The following CARS1 variants were observed in gnomAD, a reference collection of about 807,000 sequenced individuals.
CARS1 encodes cysteine--tRNA ligase, cytoplasmic.
A neutral mutation model predicts 106.2 loss-of-function variants in CARS1; 48 were observed. The ratio of observed to expected loss-of-function variants is 0.45; its 90% CI spans 0.36 to 0.57. The LOEUF (loss-of-function observed/expected upper bound fraction) is 0.57, where lower values mean the gene tolerates loss of function less well. Ranked by LOEUF, CARS1 falls within the 20% of genes least tolerant of loss-of-function variation. CARS1 has a pLI of 0.00. For synonymous variants in CARS1, 409 were observed against 403.4 expected (o/e 1.01, Z -0.17); for missense variants, 968 against 1,057.2 (o/e 0.92, Z 1.17).
In CARS1 at chr11:3,040,662, G is replaced by A; in HGVS notation, c.455+234C>T. On this transcript the variant is annotated intron_variant, in intron 4 of 22. Coordinates refer to ENST00000380525, the MANE Select transcript of CARS1 (RefSeq NM_001014437.3). The surrounding 1 kb of genome is among the most constrained non-coding windows in gnomAD (Gnocchi z 5.8). ...CCAGCATGTTAGCAGTGGGGCTATGGACATTTTCTTTTTGGTGATCTGTAG... is the reference window on the plus strand; with the variant it reads ...CCAGCATGTTAGCAGTGGGGCTATGAACATTTTCTTTTTGGTGATCTGTAG... 1 of 685,240 alleles carries A rather than the reference G, an allele frequency of 1.5e-6. No homozygotes were observed. Among genetic ancestry groups the A allele is most frequent in the Non-Finnish European group, 2.7e-6 (1 of 376,420 alleles). 42.4% of individuals were successfully genotyped at this position (685,240 alleles called of 1,614,324 possible). A position where few individuals can be genotyped will look rare whatever the true frequency, so the allele number is the denominator to read the frequency against.
Position 3,017,526 on chromosome 11 carries a change from C to G in CARS1, c.1728-231G>C. On this transcript the variant is annotated intron_variant, in intron 15 of 22. Coordinates refer to ENST00000380525, the MANE Select transcript of CARS1 (RefSeq NM_001014437.3). This position sits in a 1 kb window ranked among gnomAD's most constrained non-coding sequence, Gnocchi z 4.9. ...GGTATGGTGGCGCATGCCTGTAACC[C>G]CAGCTACTCGGGAGGCTGAGGCAGG... The G allele has an allele frequency of 1.8e-6, 1 of 566,040 alleles. No homozygotes were observed. The highest frequency in any genetic ancestry group is 2.3e-5 in the South Asian group (1 of 42,614). The allele number at this position is 566,040 out of a possible 1,614,324, so 35.1% of individuals were successfully genotyped here. A position where few individuals can be genotyped will look rare whatever the true frequency, so the allele number is the denominator to read the frequency against.
chr11:3,044,415 C>T lies in CARS1; in HGVS notation c.275-2159G>A, dbSNP rs1230590736. On this transcript the variant is annotated intron_variant, in intron 2 of 22. Transcript: ENST00000380525. This position sits in a 1 kb window ranked among gnomAD's most constrained non-coding sequence, Gnocchi z 4.4. ...AGATATCACATAAGGACCCTTGCCC[C>T]CCTTTTTTTTTTTTAGATAAAATCT... Among the ~76,000 whole-genome samples, 1 of 150,712 alleles carries T rather than the reference C, an allele frequency of 6.6e-6. No homozygotes were observed. The highest frequency in any genetic ancestry group is 6.6e-5 in the Admixed American group (1 of 15,234).
In CARS1 at chr11:3,028,145, C is replaced by A. The variant is rs1027670711; in HGVS notation, c.1031+851G>T. 2.0e-5 allele frequency: 6 copies of A among 305,642 alleles called. No homozygotes were observed. Among genetic ancestry groups the A allele is most frequent in the South Asian group, 1.7e-4 (6 of 34,430 alleles). The allele number at this position is 305,642 out of a possible 1,614,324, so 18.9% of individuals were successfully genotyped here. On this transcript the variant is annotated intron_variant, in intron 9 of 22. Coordinates refer to ENST00000380525, the MANE Select transcript of CARS1 (RefSeq NM_001014437.3). This position sits in a 1 kb window ranked among gnomAD's most constrained non-coding sequence, Gnocchi z 4.4. ...CGTAAGCTGCCTCTCTCTGTCTCCT[C>A]TCTCTCTCTGCCTTGGCTGCCAGGC...
intron 7 of CARS1, among the ~76,000 whole-genome samples, chr11:3,035,545 G>C (rs1240722356): frequency 5.9e-5 from 9 of 152,250 alleles, no homozygotes; most frequent in African/African-American, 1.4e-4. Flanking sequence ...GAGTGCAGTG[G>C]TGTGTTCATG....
In CARS1 at chr11:3,044,499, C is replaced by G. The variant is rs761584050; in HGVS notation, c.275-2243G>C. The stretch of plus-strand genomic sequence containing the variant: ...GCAACCTCCGCCTCCTGAGTTCAAG[C>G]GATTATCCTGCCTCAGCCTCCCAAG... On this transcript the variant is annotated intron_variant, in intron 2 of 22. Coordinates refer to ENST00000380525, the MANE Select transcript of CARS1 (RefSeq NM_001014437.3). The surrounding 1 kb of genome is among the most constrained non-coding windows in gnomAD (Gnocchi z 4.4). Among the ~76,000 whole-genome samples the G allele has an allele frequency of 1.3e-5, 2 of 151,820 alleles. No individual in the cohort carries two copies. Among genetic ancestry groups the G allele is most frequent in the Non-Finnish European group, 2.9e-5 (2 of 67,970 alleles).
Position 3,017,656 on chromosome 11 carries a change from C to CA in CARS1, c.1727+200dup. The CA allele has an allele frequency of 1.7e-6, 1 of 572,588 alleles. No homozygotes were observed. The highest frequency in any genetic ancestry group is 3.3e-5 in the Admixed American group (1 of 30,002). 35.5% of individuals were successfully genotyped at this position (572,588 alleles called of 1,614,324 possible). On this transcript the variant is annotated intron_variant, in intron 15 of 22. Transcript: ENST00000380525. This position sits in a 1 kb window ranked among gnomAD's most constrained non-coding sequence, Gnocchi z 4.9. The stretch of plus-strand genomic sequence containing the variant: ...GAAACTCCGTCTCAAAAAGAAAAAA[C>CA]AAAAAAGAAATTCTCCATGCACTTC...
chr11:3,021,261 T>TC lies in CARS1; in HGVS notation c.1154-930dup, dbSNP rs1348530743. Among the ~76,000 whole-genome samples the TC allele has an allele frequency of 6.6e-6, 1 of 152,222 alleles. No individual in the cohort carries two copies. The highest frequency in any genetic ancestry group is 2.4e-5 in the African/African-American group (1 of 41,452). ...GGTCACGCAGAGAATCACCCTTTGT[T>TC]CGATGAATGGGCAGAGCAGAGGTCT... On this transcript the variant is annotated intron_variant, in intron 10 of 22. Coordinates refer to ENST00000380525, the MANE Select transcript of CARS1 (RefSeq NM_001014437.3). The surrounding 1 kb of genome is among the most constrained non-coding windows in gnomAD (Gnocchi z 5.3).
intron 1 of CARS1, among the ~76,000 whole-genome samples, chr11:3,056,802 G>A (rs1233799554): frequency 6.6e-6 from 1 of 152,136 alleles, no homozygotes; most frequent in Non-Finnish European, 1.5e-5. Context: ...GGCCCGCCCA[G>A]GCACCGGCTG....
chr11:3,044,293 G>A lies in CARS1; in HGVS notation c.275-2037C>T, dbSNP rs1854847173. Reference sequence around the variant, plus strand: ...ACAGCCAGCATTCCTGCTCCCCTAAGGCTGCTATCTCCACACAGCTGGCGA... The same window carrying A: ...ACAGCCAGCATTCCTGCTCCCCTAAAGCTGCTATCTCCACACAGCTGGCGA... On this transcript the variant is annotated intron_variant, in intron 2 of 22. Coordinates refer to ENST00000380525, the MANE Select transcript of CARS1 (RefSeq NM_001014437.3). The surrounding 1 kb of genome is among the most constrained non-coding windows in gnomAD (Gnocchi z 4.4). 6.6e-6 allele frequency among the ~76,000 whole-genome samples: 1 copy of A among 152,186 alleles called. No homozygotes were observed. The highest frequency in any genetic ancestry group is 2.4e-5 in the African/African-American group (1 of 41,440).
At chr11:3,010,090 C>G (rs139598396) in intron 18 of CARS1, among the ~76,000 whole-genome samples, 1 of 152,334 alleles carries the variant, frequency 6.6e-6, no homozygotes, top group East Asian at 1.9e-4. Flanking sequence ...AGCCACAAAA[C>G]AAAAGTGAAA....
At position 3,034,817 on chromosome 11, in the gene CARS1, A is replaced by G. The variant is rs1853393458; in HGVS notation, c.801+3233T>C. ...CCAAAGTGCTGGGATTACAGGCATG[A>G]GCCACGATGCCCTGCCTGGGAATGG... On this transcript the variant is annotated intron_variant, in intron 7 of 22. Coordinates refer to ENST00000380525, the MANE Select transcript of CARS1 (RefSeq NM_001014437.3). The surrounding 1 kb of genome is among the most constrained non-coding windows in gnomAD (Gnocchi z 6.3). Among the ~76,000 whole-genome samples, 1 of 152,196 alleles carries G rather than the reference A, an allele frequency of 6.6e-6. No homozygotes were observed. Among genetic ancestry groups the G allele is most frequent in the Non-Finnish European group, 1.5e-5 (1 of 68,046 alleles).
rs1273072236 is a variant in CARS1 at position 3,005,443 on chromosome 11, A to G, written c.2150-10T>C. On this transcript the variant is annotated splice_polypyrimidine_tract_variant and intron_variant, in intron 19 of 22. Coordinates refer to ENST00000380525, the MANE Select transcript of CARS1 (RefSeq NM_001014437.3). ...ACCACTGTGGGCAGTCCTGCAAAAT[A>G]AACTGCGTGTGAGAAGAGTCTGGGC... is the stretch of plus-strand genomic sequence containing the variant. 6.2e-7 allele frequency: 1 copy of G among 1,611,612 alleles called. No homozygotes were observed. The highest frequency in any genetic ancestry group is 1.1e-5 in the South Asian group (1 of 90,934).
Position 3,024,212 on chromosome 11 carries a change from G to GT in CARS1, c.1153+2463dup, listed in dbSNP as rs537348248. 6.9e-4 allele frequency among the ~76,000 whole-genome samples: 105 copies of GT among 152,218 alleles called. 2 individuals are homozygous for GT. The highest frequency in any genetic ancestry group is 5.8e-3 in the Admixed American group (88 of 15,296). On this transcript the variant is annotated intron_variant, in intron 10 of 22. Coordinates refer to ENST00000380525, the MANE Select transcript of CARS1 (RefSeq NM_001014437.3). ...GGCACCTCACTTATTTTCCATCTTT[G>GT]TTTTTTAATAACTACATTTAAAAAC... is the stretch of plus-strand genomic sequence containing the variant.
In CARS1 at chr11:3,017,163, C is replaced by T. The variant is rs779180355; in HGVS notation, c.1860G>A (p.Lys620=). 6.2e-7 allele frequency: 1 copy of T among 1,614,182 alleles called. No individual in the cohort carries two copies. Residue 620 remains lysine (K), a synonymous_variant, in exon 16 of 23, where the codon AAG becomes AAA. Transcript: ENST00000380525. This position sits in a 1 kb window ranked among gnomAD's most constrained non-coding sequence, Gnocchi z 4.9. ...TCTCCAGCAGAGCCTGGTTGGGCCTCTTCCTCACGGCTTTCCGGGCTGCCA... is the reference window on the plus strand; with the variant it reads ...TCTCCAGCAGAGCCTGGTTGGGCCTTTTCCTCACGGCTTTCCGGGCTGCCA... The part of the protein sequence containing the change: ...LYMAARKAVR[K]RPNQALLENI...
chr11:3,001,144 C>T lies in CARS1; in HGVS notation c.2466G>A (p.Leu822=), dbSNP rs1464077914. Reference sequence around the variant, plus strand: ...GGAAGCTTCCATTCTGGGCCATCTGCAGATATTCCTTGTAGAGCTTCTCCT... The same window carrying T: ...GGAAGCTTCCATTCTGGGCCATCTGTAGATATTCCTTGTAGAGCTTCTCCT... The part of the protein sequence containing the change: ...EAQEKLYKEY[L]QMAQNGSFQ The change falls in exon 23 of 23, where the codon CTG becomes CTA. Residue 822 remains leucine (L), a synonymous_variant. Coordinates refer to ENST00000380525, the MANE Select transcript of CARS1 (RefSeq NM_001014437.3). 1 of 1,614,126 alleles carries T rather than the reference C, an allele frequency of 6.2e-7. No homozygotes were observed. The highest frequency in any genetic ancestry group is 1.7e-5 in the Admixed American group (1 of 60,026).
In CARS1 at chr11:3,020,219, C is replaced by T; in HGVS notation, c.1266+1G>A. The stretch of plus-strand genomic sequence containing the variant: ...CCACACCTTCTAGGCCACTCGCTCA[C>T]CTTTCCCCAAGGGCACGGCCAGGAC... On this transcript the variant is annotated splice_donor_variant, in intron 11 of 22. Coordinates refer to ENST00000380525, the MANE Select transcript of CARS1 (RefSeq NM_001014437.3). LOFTEE classifies it high-confidence loss of function. This position sits in a 1 kb window ranked among gnomAD's most constrained non-coding sequence, Gnocchi z 4.6. The T allele has an allele frequency of 1.3e-6, 2 of 1,587,762 alleles. No individual in the cohort carries two copies. The highest frequency in any genetic ancestry group is 1.7e-6 in the Non-Finnish European group (2 of 1,155,842).
At chr11:3,009,698 C>T in intron 18 of CARS1, among the ~76,000 whole-genome samples, 1 of 152,190 alleles carries the variant, frequency 6.6e-6, no homozygotes, top group Non-Finnish European at 1.5e-5. Flanking sequence ...CCCTCCTTGC[C>T]AGGCCTGTGC....
At chr11:3,012,161 G>A in intron 18 of CARS1, 34 bp downstream of exon 18, 4 of 1,581,426 alleles carry the variant, frequency 2.5e-6, no homozygotes, top group Non-Finnish European at 3.5e-6. Flanking sequence ...TGAGGGGAGT[G>A]GCTCCCACAC....
Position 3,040,509 on chromosome 11 carries a change from C to T in CARS1, c.455+387G>A. ...GACCATCCAGTGGTCGGGGGGCGGT[C>T]ACAGCCAACCCAGCGTCAGGCCTGT... On this transcript the variant is annotated intron_variant, in intron 4 of 22. Transcript: ENST00000380525. This position sits in a 1 kb window ranked among gnomAD's most constrained non-coding sequence, Gnocchi z 5.8. The T allele has an allele frequency of 2.1e-6, 1 of 478,586 alleles. No homozygotes were observed. Among genetic ancestry groups the T allele is most frequent in the Non-Finnish European group, 4.1e-6 (1 of 242,210 alleles). The allele number at this position is 478,586 out of a possible 1,614,324, so 29.6% of individuals were successfully genotyped here.
Sources: gnomAD v4.1 joint callset for allele counts (sites outside exome capture counted in the v4.1 genomes callset) on GRCh38, gnomAD v4.1.1 for gene constraint, Gnocchi (gnomAD v3.1) non-coding constraint, MANE v1.5 for transcripts, NCBI Gene and HGNC (gene_info 2026-07-23, HGNC 2026-07-21) for gene names.